TMTC2: variants seen among roughly 807,000 people sequenced by gnomAD.
TMTC2 encodes the protein transmembrane O-mannosyltransferase targeting cadherins 2.
Under a neutral mutation model 82.4 loss-of-function variants are expected in TMTC2, and 43 were observed. That is an observed-to-expected ratio of 0.52 (90% CI 0.41 to 0.67). TMTC2 has a LOEUF of 0.67. Among genes scored for constraint, TMTC2 ranks in the 30% least tolerant of loss-of-function variants. TMTC2 has a pLI of 0.00. For synonymous variants in TMTC2, 408 were observed against 381.9 expected, an observed-to-expected ratio of 1.07 and a Z score of -0.80; for missense variants, 919 against 1,012.4, an observed-to-expected ratio of 0.91 and a Z score of 1.25.
intron 1 of TMTC2, among the ~76,000 whole-genome samples, chr12:82,738,915 A>C (rs1380248039): frequency 1.3e-5 from 2 of 152,156 alleles, no homozygotes; most frequent in Non-Finnish European, 2.9e-5. Context: ...TGGGAGGCCA[A>C]GGTAGGTGGA....
rs866637686 is a variant in TMTC2 at position 82,687,497 on chromosome 12, G to A, written c.-90G>A. On this transcript the variant is annotated 5_prime_UTR_variant, in exon 1 of 12. Transcript: ENST00000321196. ...GGAAAAGTGAAGCTGGGAGGAGAAG[G>A]CGGCGGAAGGTGGAGATTGATGCTT... 7.9e-6 allele frequency: 10 copies of A among 1,262,196 alleles called. No homozygotes were observed. The highest frequency in any genetic ancestry group is 2.6e-4 in the Middle Eastern group (1 of 3,790). 78.2% of individuals were successfully genotyped at this position (1,262,196 alleles called of 1,614,324 possible). A position where few individuals can be genotyped will look rare whatever the true frequency, so the allele number is the denominator to read the frequency against.
chr12:82,955,013 A>G (rs1460808313), intron 4 of TMTC2, among the ~76,000 whole-genome samples: 1 of 152,138 alleles, frequency 6.6e-6, no homozygotes, highest in African/African-American at 2.4e-5. Flanking sequence ...GGTGTGTGTG[A>G]TTAGAAGAGA....
intron 11 of TMTC2, among the ~76,000 whole-genome samples, chr12:83,092,730 T>C (rs1883883929): frequency 6.6e-6 from 1 of 152,352 alleles, no homozygotes; most frequent in African/African-American, 2.4e-5. Context: ...TAAAAGGGAA[T>C]GTTTTATCAT....
intron 11 of TMTC2, among the ~76,000 whole-genome samples, chr12:83,074,567 C>CTAGGAGGA (rs912000732): frequency 2.0e-5 from 3 of 151,944 alleles, no homozygotes; most frequent in Non-Finnish European, 2.9e-5. Context: ...AGTTGTGTAC[C>CTAGGAGGA]TAGGAGGATC....
chr12:82,838,166 G>T (rs936297259), intron 1 of TMTC2, among the ~76,000 whole-genome samples: 2 of 152,298 alleles, frequency 1.3e-5, no homozygotes, highest in South Asian at 2.1e-4. Context: ...GGGATCACAA[G>T]ATAAGGCAGG....
At chr12:82,708,973 T>C (rs553205668) in intron 1 of TMTC2, among the ~76,000 whole-genome samples, 64 of 152,348 alleles carry the variant, frequency 4.2e-4, no homozygotes, top group African/African-American at 1.5e-3. Flanking sequence ...GCAAAGTGAC[T>C]CTGCATCATT....
chr12:83,101,772 G>C (rs931784177), intron 11 of TMTC2, among the ~76,000 whole-genome samples: 1 of 152,152 alleles, frequency 6.6e-6, no homozygotes, highest in Non-Finnish European at 1.5e-5. Context: ...GATCGTATAA[G>C]TATATATGCT....
At chr12:82,723,489 T>A (rs1272214224) in intron 1 of TMTC2, among the ~76,000 whole-genome samples, 1 of 152,218 alleles carries the variant, frequency 6.6e-6, no homozygotes, top group African/African-American at 2.4e-5. Context: ...CGCACATACA[T>A]CATGAGGTAC....
chr12:82,801,703 T>C (rs7298000), intron 1 of TMTC2, among the ~76,000 whole-genome samples: 5,396 of 152,094 alleles, frequency 0.035, 323 homozygotes, highest in African/African-American at 0.12. Flanking sequence ...GATTGATGCA[T>C]CTACAAACCT....
rs773987058 is a variant in TMTC2, at chr12:82,896,576, G to A, written c.1413G>A (p.Ala471=). The A allele has an allele frequency of 2.5e-6, 4 of 1,614,042 alleles. No individual in the cohort carries two copies. Among genetic ancestry groups the A allele is most frequent in the Non-Finnish European group, 3.4e-6 (4 of 1,180,020 alleles). Residue 471 remains alanine, a synonymous_variant, in exon 3 of 12, where the codon GCG becomes GCA. Transcript: ENST00000321196. ...TLIVFYGLKT[A]IRNGDWQNEE... is the part of the protein sequence containing the mutation. ...TTGTTTTTTATGGACTCAAGACTGC[G>A]ATCAGGAATGGAGACTGGCAGAATG...
At chr12:83,054,955 TAA>T (rs1882485589) in intron 10 of TMTC2, among the ~76,000 whole-genome samples, 1 of 152,162 alleles carries the variant, frequency 6.6e-6, no homozygotes, top group South Asian at 2.1e-4. Context: ...CAAGATTTTC[TAA>T]AGAGTGTTCT....
chr12:82,988,236 T>C (rs1357068073), intron 8 of TMTC2, among the ~76,000 whole-genome samples: 1 of 152,112 alleles, frequency 6.6e-6, no homozygotes, highest in Admixed American at 6.5e-5. Flanking sequence ...CAGAAAGCAG[T>C]TGGAAGTATT....
At position 82,857,506 on chromosome 12, in the gene TMTC2, G is replaced by T; in HGVS notation, c.580G>T (p.Ala194Ser). The part of the protein sequence containing the change: ...LWKEQGVTVL[A>S]VSAVYDVFVF... ...GAAGGAACAAGGAGTGACTGTTCTC[G>T]CAGTTTCAGCAGTTTATGATGTCTT... The change falls in exon 2 of 12, where the codon GCA (alanine) becomes TCA (serine). Residue 194 changes from alanine to serine, a missense_variant. Transcript: ENST00000321196. 1.9e-6 allele frequency: 3 copies of T among 1,614,116 alleles called. No individual in the cohort carries two copies. Among genetic ancestry groups the T allele is most frequent in the Non-Finnish European group, 2.5e-6 (3 of 1,180,022 alleles).
chr12:82,950,671 A>G (rs937199444), intron 4 of TMTC2, among the ~76,000 whole-genome samples: 1 of 152,236 alleles, frequency 6.6e-6, no homozygotes, highest in Non-Finnish European at 1.5e-5. Context: ...GTCATAGTCC[A>G]TGTTCAATCT....
intron 1 of TMTC2, among the ~76,000 whole-genome samples, chr12:82,725,063 A>T (rs141512460): frequency 4.5e-4 from 69 of 152,234 alleles, no homozygotes; most frequent in Non-Finnish European, 8.2e-4. Flanking sequence ...GCAGTAGGAG[A>T]GTAAGAAATT....
intron 1 of TMTC2, among the ~76,000 whole-genome samples, chr12:82,730,372 C>G (rs1305853585): frequency 6.8e-6 from 1 of 147,620 alleles, no homozygotes; most frequent in African/African-American, 2.5e-5. Context: ...ACTTTAATCT[C>G]TTGGGCTTTT....
chr12:82,879,017 A>G (rs1289634157), intron 2 of TMTC2, among the ~76,000 whole-genome samples: 2 of 152,190 alleles, frequency 1.3e-5, no homozygotes, highest in African/African-American at 2.4e-5. Context: ...ATAGACATCA[A>G]TTTCCTCACT....
chr12:82,793,217 A>G (rs1878551273), intron 1 of TMTC2, among the ~76,000 whole-genome samples: 1 of 152,114 alleles, frequency 6.6e-6, no homozygotes, highest in African/African-American at 2.4e-5. Context: ...TTCCTTTTTT[A>G]GTACCTTTTG....
At chr12:83,108,494 G>A (rs1378370394) in intron 11 of TMTC2, among the ~76,000 whole-genome samples, 1 of 152,120 alleles carries the variant, frequency 6.6e-6, no homozygotes, top group East Asian at 1.9e-4. Context: ...GTTGGGCGTG[G>A]TGGCACACGC....
Sources: allele counts gnomAD v4.1 joint callset (sites outside exome capture counted in the v4.1 genomes callset), GRCh38; gene constraint gnomAD v4.1.1; transcripts MANE v1.5; gene names NCBI Gene and HGNC (gene_info 2026-07-23, HGNC 2026-07-21).